Variants in RBFOX1 observed in about 807,000 individuals in gnomAD.
The protein encoded by RBFOX1 is RNA binding protein fox-1 homolog 1.
A neutral mutation model predicts 57.7 loss-of-function variants in RBFOX1; 8 were observed. The observed-to-expected ratio is 0.14, with a 90% CI of 0.08 to 0.25. RBFOX1 has a LOEUF of 0.25. Among genes scored for constraint, RBFOX1 ranks in the 10% least tolerant of loss-of-function variants. The pLI, the probability that RBFOX1 is intolerant of heterozygous loss-of-function variation, is 1.00. For missense variants in RBFOX1, 611 were observed against 548.5 expected (o/e 1.11, Z -1.14); for synonymous variants, 326 against 222.4 (o/e 1.47, Z -4.15).
At chr16:6,578,612 T>TGG (rs373655762) in intron 2 of RBFOX1, among the ~76,000 whole-genome samples, 1 of 147,002 alleles carries the variant, frequency 6.8e-6, no homozygotes, top group South Asian at 2.2e-4. Flanking sequence ...TGTGTGTGTG[T>TGG]GAGCATGGGA....
intron 2 of RBFOX1, among the ~76,000 whole-genome samples, chr16:6,433,538 T>C (rs933071894): frequency 4.6e-5 from 7 of 152,174 alleles, no homozygotes; most frequent in East Asian, 1.9e-4. Context: ...TAGTTTCTCA[T>C]TGGTGCTGTA....
intron 3 of RBFOX1, among the ~76,000 whole-genome samples, chr16:6,764,937 A>G (rs2077120496): frequency 6.6e-6 from 1 of 152,196 alleles, no homozygotes; most frequent in African/African-American, 2.4e-5. Flanking sequence ...ACTGTTTCAG[A>G]AAAAGAAAGA....
At chr16:6,756,783 C>T (rs913197612) in intron 3 of RBFOX1, among the ~76,000 whole-genome samples, 2 of 151,990 alleles carry the variant, frequency 1.3e-5, no homozygotes, top group African/African-American at 2.4e-5. Flanking sequence ...ACCAGCCTGG[C>T]CAACATGGTG....
At chr16:6,843,214 T>C (rs555580037) in intron 3 of RBFOX1, among the ~76,000 whole-genome samples, 1 of 152,220 alleles carries the variant, frequency 6.6e-6, no homozygotes, top group East Asian at 1.9e-4. Context: ...AAAGAATGGG[T>C]GAAAATCTCT....
intron 2 of RBFOX1, among the ~76,000 whole-genome samples, chr16:6,572,931 A>C (rs770534449): frequency 6.6e-6 from 1 of 152,108 alleles, no homozygotes; most frequent in Admixed American, 6.5e-5. Context: ...TTTGTTCCCA[A>C]GAGTGCTGGG....
At chr16:6,833,009 C>T (rs1190417598) in intron 3 of RBFOX1, among the ~76,000 whole-genome samples, 2 of 152,098 alleles carry the variant, frequency 1.3e-5, no homozygotes, top group African/African-American at 4.8e-5. Flanking sequence ...AATGTTCTAA[C>T]TCAGCACTAG....
chr16:6,203,510 A>G (rs899142154), intron 1 of RBFOX1, among the ~76,000 whole-genome samples: 2 of 152,122 alleles, frequency 1.3e-5, no homozygotes, highest in Non-Finnish European at 1.5e-5. Flanking sequence ...TGTTGTTTCC[A>G]TATATTGGCT....
chr16:7,219,594 T>C (rs1567761271), intron 4 of RBFOX1, among the ~76,000 whole-genome samples: 1 of 152,164 alleles, frequency 6.6e-6, no homozygotes, highest in African/African-American at 2.4e-5. Flanking sequence ...ATAGCTGTTG[T>C]AGAAAGAACA....
At chr16:5,319,167 C>A (rs950722217) in intron 1 of RBFOX1, among the ~76,000 whole-genome samples, 13 of 151,052 alleles carry the variant, frequency 8.6e-5, no homozygotes, top group Admixed American at 3.3e-4. Flanking sequence ...ACATAAAAAA[C>A]CAGAGAGTTT....
chr16:6,551,490 C>G (rs2096988436), intron 2 of RBFOX1, among the ~76,000 whole-genome samples: 1 of 152,198 alleles, frequency 6.6e-6, no homozygotes. Context: ...TAGCAAATGA[C>G]AGCTATTACT....
chr16:5,844,705 G>C (rs118168141), intron 3 of RBFOX1, among the ~76,000 whole-genome samples: 1 of 152,140 alleles, frequency 6.6e-6, no homozygotes, highest in South Asian at 2.1e-4. Context: ...TCTTAGAATC[G>C]GATTAGTCAT....
At chr16:6,471,564 T>A (rs2095174485) in intron 2 of RBFOX1, among the ~76,000 whole-genome samples, 1 of 143,632 alleles carries the variant, frequency 7.0e-6, no homozygotes, top group Non-Finnish European at 1.5e-5. Flanking sequence ...GAAGATATCT[T>A]TATGCTTATA....
In RBFOX1 at chr16:7,199,939, T is replaced by C. The variant is rs569820137; in HGVS notation, c.27+147841T>C. ...ACAACAACAACAACAACAAAGAAAT[T>C]AGACAAAAGAACAAACAACGTGTTG... On this transcript the variant is annotated intron_variant, in intron 4 of 15. Coordinates refer to ENST00000550418, the MANE Select transcript of RBFOX1 (RefSeq NM_018723.4). Among the ~76,000 whole-genome samples, 15 of 152,044 alleles carry C rather than the reference T, an allele frequency of 9.9e-5. No homozygotes were observed. In the South Asian group the frequency reaches 3.1e-3, roughly 32 times the overall value.
chr16:6,448,156 C>CTTG (rs2094523503), intron 2 of RBFOX1, among the ~76,000 whole-genome samples: 1 of 78,460 alleles, frequency 1.3e-5, no homozygotes, highest in Non-Finnish European at 2.2e-5. Flanking sequence ...TCTTTTCTTT[C>CTTG]TTTTTTTTTT....
chr16:6,415,204 T>G (rs1474481062), intron 2 of RBFOX1, among the ~76,000 whole-genome samples: 9 of 142,132 alleles, frequency 6.3e-5, no homozygotes, highest in South Asian at 4.5e-4. Context: ...GACCATGCTA[T>G]TCACTCTAGC....
At chr16:6,622,850 T>C (rs557296555) in intron 2 of RBFOX1, among the ~76,000 whole-genome samples, 2 of 152,292 alleles carry the variant, frequency 1.3e-5, no homozygotes, top group African/African-American at 2.4e-5. Context: ...ATGTGAAATT[T>C]AGTTTTTGTT....
At chr16:7,341,588 C>G (rs781693486) in intron 4 of RBFOX1, among the ~76,000 whole-genome samples, 10 of 152,130 alleles carry the variant, frequency 6.6e-5, no homozygotes, top group Non-Finnish European at 1.3e-4. Flanking sequence ...TGTCAGTGGT[C>G]TGACACTCAA....
At chr16:6,644,503 CTG>C (rs2098517673) in intron 2 of RBFOX1, among the ~76,000 whole-genome samples, 1 of 152,100 alleles carries the variant, frequency 6.6e-6, no homozygotes. Flanking sequence ...GAACCTTTGA[CTG>C]TGTCTCCTCA....
chr16:5,404,511 A>G (rs760444111), intron 1 of RBFOX1, among the ~76,000 whole-genome samples: 1 of 152,158 alleles, frequency 6.6e-6, no homozygotes, highest in Non-Finnish European at 1.5e-5. Flanking sequence ...AGTCATTTAT[A>G]TGCAAATTGA....
Sources: allele counts gnomAD v4.1 joint callset (sites outside exome capture counted in the v4.1 genomes callset), GRCh38; gene constraint gnomAD v4.1.1; transcripts MANE v1.5; gene names NCBI Gene and HGNC (gene_info 2026-07-23, HGNC 2026-07-21).